The following PYGB variants were observed in gnomAD, a reference collection of about 807,000 sequenced individuals.
The protein encoded by PYGB is glycogen phosphorylase, brain form.
In PYGB, 82 loss-of-function variants were observed where a neutral mutation model predicts 94.3. The observed-to-expected ratio is 0.87, with a 90% CI of 0.73 to 1.04. The LOEUF (loss-of-function observed/expected upper bound fraction) is 1.04. Among genes scored for constraint, PYGB ranks in the 50% least tolerant of loss-of-function variants. The pLI is 0.00. For missense variants in PYGB, 1,132 were observed against 1,158.2 expected (o/e 0.98, Z 0.33); for synonymous variants, 488 against 479.1 (o/e 1.02, Z -0.24).
intron 2 of PYGB, among the ~76,000 whole-genome samples, chr20:25,268,155 G>GCCCC (rs1287736524): frequency 6.4e-4 from 4 of 6,256 alleles, no homozygotes; most frequent in African/African-American, 4.9e-3. Context: ...GTAAATCCTA[G>GCCCC]CACCCGCCCC....
At chr20:25,270,376 G>A (rs899019257) in intron 3 of PYGB, among the ~76,000 whole-genome samples, 1 of 151,676 alleles carries the variant, frequency 6.6e-6, no homozygotes, top group East Asian at 1.9e-4. Context: ...CTAATTTTTT[G>A]TATTTTTAGT....
rs994518989 is a variant in PYGB at position 25,297,117 on chromosome 20, A to T, written c.*595A>T. On this transcript the variant is annotated 3_prime_UTR_variant, in exon 20 of 20. Transcript: ENST00000216962. ...TCTGCACCTGGTATATGGGTCATGG[A>T]CCCAGATGGGGCTTTCCCTTTGTAG... 6.5e-6 allele frequency: 1 copy of T among 154,000 alleles called. No individual in the cohort carries two copies. Among genetic ancestry groups the T allele is most frequent in the Non-Finnish European group, 1.4e-5 (1 of 69,248 alleles). The allele number at this position is 154,000 out of a possible 1,614,324, so 9.5% of individuals were successfully genotyped here.
intron 14 of PYGB, among the ~76,000 whole-genome samples, chr20:25,286,013 T>C (rs1455619216): frequency 6.6e-6 from 1 of 152,190 alleles, no homozygotes; most frequent in Non-Finnish European, 1.5e-5. Flanking sequence ...CTTCCCCCAG[T>C]GCTTTTTAGG....
chr20:25,285,959 A>T (rs1352604411), intron 14 of PYGB, among the ~76,000 whole-genome samples: 1 of 152,144 alleles, frequency 6.6e-6, no homozygotes, highest in South Asian at 2.1e-4. Context: ...ACCCTTCACC[A>T]TGAAGGTCGG....
At chr20:25,277,956 C>A (rs953943108) in intron 7 of PYGB, among the ~76,000 whole-genome samples, 2 of 152,234 alleles carry the variant, frequency 1.3e-5, no homozygotes, top group African/African-American at 2.4e-5. Context: ...CACACAGGAG[C>A]AAAGGCCTGG....
intron 19 of PYGB, 138 bp downstream of exon 19, chr20:25,295,808 G>T (rs1228589164): frequency 1.0e-6 from 1 of 971,126 alleles, no homozygotes; most frequent in South Asian, 1.4e-5. Flanking sequence ...TCTGTCATCA[G>T]TCGGCTGTGC....
chr20:25,290,888 C>G (rs887537480), intron 16 of PYGB, among the ~76,000 whole-genome samples: 7 of 152,178 alleles, frequency 4.6e-5, no homozygotes, highest in Non-Finnish European at 1.0e-4. Flanking sequence ...CCTGCCTGGC[C>G]TGCCCTCTGT....
chr20:25,290,757 C>G, intron 16 of PYGB, 135 bp downstream of exon 16: 1 of 1,294,936 alleles, frequency 7.7e-7, no homozygotes, highest in Non-Finnish European at 1.1e-6. Context: ...GGGCTGCAGG[C>G]GAGCAGGGAA....
chr20:25,278,287 C>A (rs777702095), intron 7 of PYGB, 32 bp from the exon 8 acceptor site: 3 of 984,656 alleles, frequency 3.0e-6, no homozygotes, highest in Admixed American at 2.7e-5. Flanking sequence ...ATGGCCCAGC[C>A]TGCACCCTCC....
intron 15 of PYGB, among the ~76,000 whole-genome samples, chr20:25,290,085 C>G (rs956997714): frequency 6.6e-6 from 1 of 152,198 alleles, no homozygotes; most frequent in East Asian, 1.9e-4. Flanking sequence ...TTACAGACAT[C>G]GGGTTGTCTG....
At chr20:25,252,730 C>T (rs2092891600) in intron 1 of PYGB, among the ~76,000 whole-genome samples, 1 of 152,224 alleles carries the variant, frequency 6.6e-6, no homozygotes, top group African/African-American at 2.4e-5. Context: ...CCCAGCACCT[C>T]CAGGATTCAC....
Position 25,288,744 on chromosome 20 carries a change from C to T in PYGB, c.1827+261C>T, listed in dbSNP as rs2088440548. Among the ~76,000 whole-genome samples, 3 of 152,168 alleles carry T rather than the reference C, an allele frequency of 2.0e-5. No homozygotes were observed. In the South Asian group the frequency reaches 6.2e-4, roughly 32 times the overall value. Reference sequence around the variant, plus strand: ...CCAGTGGGCTTGCTGGTGCCCACCTCAGAGAGGGCAGTGTCCTTTCTCTTT... The same window carrying T: ...CCAGTGGGCTTGCTGGTGCCCACCTTAGAGAGGGCAGTGTCCTTTCTCTTT... On this transcript the variant is annotated intron_variant, in intron 15 of 19. Coordinates refer to ENST00000216962, the MANE Select transcript of PYGB (RefSeq NM_002862.4).
At chr20:25,260,859 G>A (rs1400729355) in intron 2 of PYGB, among the ~76,000 whole-genome samples, 2 of 152,170 alleles carry the variant, frequency 1.3e-5, no homozygotes, top group African/African-American at 2.4e-5. Context: ...AGGGTCCCAC[G>A]CCCACGGAGC....
At chr20:25,296,165 C>T (rs897732354) in intron 19 of PYGB, among the ~76,000 whole-genome samples, 5 of 152,148 alleles carry the variant, frequency 3.3e-5, no homozygotes, top group African/African-American at 1.2e-4. Flanking sequence ...CAGCTCCTTG[C>T]TCCCTAGATC....
chr20:25,277,073 A>G (rs2088319241), intron 6 of PYGB, among the ~76,000 whole-genome samples, 171 bp from the exon 7 acceptor site: 1 of 152,026 alleles, frequency 6.6e-6, no homozygotes, highest in African/African-American at 2.4e-5. Context: ...GGGGAGCTGC[A>G]GGAGGGATCA....
intron 5 of PYGB, among the ~76,000 whole-genome samples, chr20:25,275,895 C>T (rs1294582305): frequency 2.6e-5 from 4 of 152,140 alleles, no homozygotes; most frequent in Non-Finnish European, 4.4e-5. Context: ...GGCCCCGGTG[C>T]GCCGCCTGTG....
In PYGB at chr20:25,293,903, G is replaced by A. The variant is rs1325693558; in HGVS notation, c.2178-255G>A. 5.7e-6 allele frequency: 3 copies of A among 529,474 alleles called. No homozygotes were observed. The East Asian group carries it at 1.0e-4, about 18-fold the overall frequency. The allele number at this position is 529,474 out of a possible 1,614,324, so 32.8% of individuals were successfully genotyped here. A position where few individuals can be genotyped will look rare whatever the true frequency, so the allele number is the denominator to read the frequency against. The stretch of plus-strand genomic sequence containing the variant: ...CCACTATGTCCTAGCAGATCTGCTA[G>A]TGATGACATTTCTTTAACAGTCAAA... On this transcript the variant is annotated intron_variant, in intron 17 of 19. Coordinates refer to ENST00000216962, the MANE Select transcript of PYGB (RefSeq NM_002862.4).
intron 3 of PYGB, 95 bp from the exon 4 acceptor site, chr20:25,271,288 C>T (rs1600728668): frequency 8.7e-7 from 1 of 1,152,832 alleles, no homozygotes; most frequent in East Asian, 2.3e-5. Context: ...GTGTGATCCC[C>T]TCTGAATTTC....
At chr20:25,248,788 T>C (rs1353829667) in intron 1 of PYGB, among the ~76,000 whole-genome samples, 2 of 152,226 alleles carry the variant, frequency 1.3e-5, no homozygotes, top group Non-Finnish European at 2.9e-5. Flanking sequence ...AGCCACTCTT[T>C]GTTTTCCTGC....
Sources: gnomAD v4.1 joint callset for allele counts (sites outside exome capture counted in the v4.1 genomes callset) on GRCh38, gnomAD v4.1.1 for gene constraint, MANE v1.5 for transcripts, NCBI Gene and HGNC (gene_info 2026-07-23, HGNC 2026-07-21) for gene names.